The following MYPN variants were observed in gnomAD, a reference collection of about 807,000 sequenced individuals.
MYPN encodes the protein sarcomeric protein myopalladin, 145 kDa (MYOP).
In MYPN, 63 loss-of-function variants were observed where a neutral mutation model predicts 129.4. The ratio of observed to expected loss-of-function variants is 0.49; its 90% confidence interval spans 0.40 to 0.60. The LOEUF is 0.60. MYPN is among the 20% of genes least tolerant of loss of function. The probability of loss-of-function intolerance (pLI) is 0.00; values close to 1 mark genes in which losing one functional copy is unlikely to be tolerated. For missense variants in MYPN, 1,596 were observed against 1,635.4 expected, an observed-to-expected ratio of 0.98 and a Z score of 0.42; for synonymous variants, 629 against 600.9, an observed-to-expected ratio of 1.05 and a Z score of -0.68.
chr10:68,145,752 C>T (rs1234447723), intron 4 of MYPN, among the ~76,000 whole-genome samples: 1 of 152,226 alleles, frequency 6.6e-6, no homozygotes, highest in African/African-American at 2.4e-5. Flanking sequence ...TTCCAATTTA[C>T]TCCCTACAGA....
At chr10:68,121,136 G>T (rs1264539723) in intron 1 of MYPN, among the ~76,000 whole-genome samples, 1 of 152,088 alleles carries the variant, frequency 6.6e-6, no homozygotes, top group Admixed American at 6.5e-5. Flanking sequence ...AAATCAGCTG[G>T]GTGTGGTGGC....
upstream of MYPN, among the ~76,000 whole-genome samples, chr10:68,104,327 C>T (rs2041997039): frequency 6.6e-6 from 1 of 152,120 alleles, no homozygotes; most frequent in South Asian, 2.1e-4. Context: ...TTTGAGCTAA[C>T]CTTATGAAGA....
rs1315491387 is a variant in MYPN at position 68,158,582 on chromosome 10, G to A, written c.1414G>A (p.Gly472Arg). Residue 472 changes from glycine to arginine, a missense_variant, in exon 7 of 20, where the codon GGG (glycine) becomes AGG (arginine). Transcript: ENST00000358913. ...PSPKVEWYRE[G>R]TLIEDSPDFR... ...TCCTAAGGTTGAGTGGTATAGAGAA[G>A]GGACTTTAATAGAAGATTCTCCAGA... 6.2e-7 allele frequency: 1 copy of A among 1,605,500 alleles called. No individual in the cohort carries two copies. The highest frequency in any genetic ancestry group is 8.5e-7 in the Non-Finnish European group (1 of 1,172,368).
intron 2 of MYPN, among the ~76,000 whole-genome samples, chr10:68,126,247 A>C (rs1313443374): frequency 6.6e-6 from 1 of 152,188 alleles, no homozygotes; most frequent in African/African-American, 2.4e-5. Context: ...CAGCATGTTT[A>C]TGGAAAGGCA....
chr10:68,145,275 C>T (rs1475351461), intron 3 of MYPN, among the ~76,000 whole-genome samples, 200 bp from the exon 4 acceptor site: 5 of 152,058 alleles, frequency 3.3e-5, no homozygotes, highest in East Asian at 1.9e-4. Context: ...CCACCCCCCT[C>T]GGCCTCCCAA....
At chr10:68,206,175 C>CA (rs953136120) in intron 18 of MYPN, among the ~76,000 whole-genome samples, 3 of 152,070 alleles carry the variant, frequency 2.0e-5, no homozygotes, top group African/African-American at 7.2e-5. Context: ...GGGGAGTTTC[C>CA]AAAAATCCTA....
At chr10:68,157,611 A>G (rs1297039843) in intron 6 of MYPN, among the ~76,000 whole-genome samples, 4 of 148,158 alleles carry the variant, frequency 2.7e-5, no homozygotes, top group Non-Finnish European at 5.9e-5. Flanking sequence ...AGGTGGGTGG[A>G]TCACTTGAGC....
At chr10:68,095,242 C>T (rs1446344086) in intron 1 of MYPN, among the ~76,000 whole-genome samples, 1 of 149,416 alleles carries the variant, frequency 6.7e-6, no homozygotes, top group East Asian at 2.0e-4. Context: ...CCCAGCTACT[C>T]GGGAGGCTGA....
chr10:68,089,967 A>C (rs2041923598), intron 1 of MYPN, among the ~76,000 whole-genome samples: 2 of 152,184 alleles, frequency 1.3e-5, no homozygotes, highest in South Asian at 4.1e-4. Context: ...GACACAGCCT[A>C]AGGTTTTAGT....
rs1318543251 is a variant in MYPN, at chr10:68,166,470, A to C, written c.1777A>C (p.Arg593=). The C allele has an allele frequency of 1.2e-6, 2 of 1,614,166 alleles. No individual in the cohort carries two copies. The highest frequency in any genetic ancestry group is 2.7e-5 in the African/African-American group (2 of 75,042). The part of the protein sequence containing the change: ...VNHNEPRSSS[R]IGLRVHFNLP... ...CCACAATGAGCCCCGGTCCAGCTCC[A>C]GGATTGGGCTTCGTGTGCACTTCAA... Residue 593 remains arginine (R), a synonymous_variant, in exon 10 of 20, where the codon AGG becomes CGG. Coordinates refer to ENST00000358913, the MANE Select transcript of MYPN (RefSeq NM_032578.4).
intron 1 of MYPN, among the ~76,000 whole-genome samples, chr10:68,097,916 A>C (rs2041964239): frequency 6.6e-6 from 1 of 152,154 alleles, no homozygotes; most frequent in Non-Finnish European, 1.5e-5. Flanking sequence ...AATTTAGTTC[A>C]TGTGCATCAT....
chr10:68,094,221 C>T (rs569701649), intron 1 of MYPN, among the ~76,000 whole-genome samples: 2 of 152,050 alleles, frequency 1.3e-5, no homozygotes, highest in East Asian at 3.9e-4. Context: ...GCCTAATCTG[C>T]TGGGAATGCA....
chr10:68,174,589 G>A lies in MYPN; in HGVS notation c.2497G>A (p.Val833Ile), dbSNP rs1406084738. The change falls in exon 11 of 20, where the codon GTT (valine) becomes ATT (isoleucine). Residue 833 changes from valine to isoleucine, a missense_variant. Val to Ile is a conservative substitution (Grantham distance 29). Coordinates refer to ENST00000358913, the MANE Select transcript of MYPN (RefSeq NM_032578.4). ...IQNPVAFLSS[V>I]LPSLPAIPPT... The stretch of plus-strand genomic sequence containing the variant: ...GAACCCAGTGGCTTTCCTCAGCTCT[G>A]TTCTGCCTTCTCTCCCTGCCATCCC... 1.9e-5 allele frequency: 31 copies of A among 1,614,006 alleles called. No homozygotes were observed. Among genetic ancestry groups the A allele is most frequent in the Non-Finnish European group, 2.5e-5 (30 of 1,180,022 alleles).
chr10:68,142,795 C>CA, intron 2 of MYPN, 145 bp from the exon 3 acceptor site: 1 of 820,754 alleles, frequency 1.2e-6, no homozygotes, highest in Admixed American at 1.9e-5. Context: ...CTCACTGTTA[C>CA]AAAAAAATAA....
Position 68,122,283 on chromosome 10 carries a change from A to G in MYPN, c.845A>G (p.Glu282Gly), listed in dbSNP as rs146336815. Residue 282 changes from glutamate (E) to glycine (G), a missense_variant, in exon 2 of 20, where the codon GAA becomes GGA. Glu to Gly is a moderately conservative substitution (Grantham distance 98). Transcript: ENST00000358913. ...AAGTTACGGAGCAGAGAAGTTCCAG[A>G]AGGAACTCGAGTACAGTTGGATTGC... ...TQKLRSREVP[E>G]GTRVQLDCIV... 272 of 1,613,984 alleles carry G rather than the reference A, an allele frequency of 1.7e-4. 1 individual carries two copies. Among genetic ancestry groups the G allele is most frequent in the Non-Finnish European group, 2.2e-4 (257 of 1,179,976 alleles).
chr10:68,109,525 G>A lies in MYPN; in HGVS notation c.-200G>A, dbSNP rs1197877359. 3 of 454,074 alleles carry A rather than the reference G, an allele frequency of 6.6e-6. No homozygotes were observed. The highest frequency in any genetic ancestry group is 3.1e-5 in the South Asian group (2 of 64,470). The allele number at this position is 454,074 out of a possible 1,614,324, so 28.1% of individuals were successfully genotyped here. ...GCTCTGGCTCCGGTGGTGACAGGTT[G>A]TCCAGCTTCTTACAGCCATCTTCAC... On this transcript the variant is annotated 5_prime_UTR_variant, in exon 1 of 20. Coordinates refer to ENST00000358913, the MANE Select transcript of MYPN (RefSeq NM_032578.4).
chr10:68,164,546 A>G (rs1313573722), intron 8 of MYPN, among the ~76,000 whole-genome samples: 1 of 152,182 alleles, frequency 6.6e-6, no homozygotes, highest in East Asian at 1.9e-4. Context: ...AATTCAATTC[A>G]ATTATCATGA....
chr10:68,204,725 C>A (rs372249463), intron 18 of MYPN, among the ~76,000 whole-genome samples: 1,293 of 88,652 alleles, frequency 0.015, no homozygotes, highest in African/African-American at 0.023. Flanking sequence ...GACTCTGTCT[C>A]AAAAAAAAAA....
chr10:68,136,176 G>A, intron 2 of MYPN: 2 of 978,226 alleles, frequency 2.0e-6, no homozygotes, highest in Non-Finnish European at 2.4e-6. Flanking sequence ...TCTGAAAAAT[G>A]TGTCTCTTCA....
Sources: allele counts gnomAD v4.1 joint callset (sites outside exome capture counted in the v4.1 genomes callset), GRCh38; gene constraint gnomAD v4.1.1; transcripts MANE v1.5; gene names NCBI Gene and HGNC (gene_info 2026-07-23, HGNC 2026-07-21).